The following ACAD10 variants were observed in gnomAD, a reference collection of about 807,000 sequenced individuals.
The protein encoded by ACAD10 is acyl-CoA dehydrogenase family member 10.
ACAD10 carries 112 observed loss-of-function variants against 116.8 expected under a neutral mutation model. That is an observed-to-expected ratio of 0.96 (90% confidence interval 0.82 to 1.12). The LOEUF is 1.12. ACAD10 is among the 50% of genes most tolerant of loss of function. ACAD10 has a pLI of 0.00. For missense variants in ACAD10, 1,259 were observed against 1,350.2 expected (o/e 0.93, Z 1.06); for synonymous variants, 486 against 510.6 (o/e 0.95, Z 0.65).
chr12:111,696,096 C>T (rs1888184128), intron 2 of ACAD10, among the ~76,000 whole-genome samples: 1 of 151,202 alleles, frequency 6.6e-6, no homozygotes, highest in South Asian at 2.1e-4. Context: ...GGATCGCGCT[C>T]TGTTTCTTAG....
intron 12 of ACAD10, 98 bp from the exon 13 acceptor site, chr12:111,744,545 A>G (rs1889833680): frequency 1.4e-6 from 2 of 1,443,322 alleles, no homozygotes; most frequent in Non-Finnish European, 1.9e-6. Context: ...GTGCTCAGCA[A>G]ATGGCAATAG....
In ACAD10 at chr12:111,744,781, A is replaced by T. The variant is rs138790472; in HGVS notation, c.1853A>T (p.Tyr618Phe). The change falls in exon 13 of 21, where the codon TAC becomes TTC. Residue 618 changes from tyrosine to phenylalanine, a missense_variant. Tyr to Phe is a conservative substitution (Grantham distance 22, BLOSUM62 3). Transcript: ENST00000313698. ...TTCACAAATCCGTTAACAAGGTCCT[A>T]CCACACGTGGGCCAGGCCCCAGTCC... ...MPFTNPLTRS[Y>F]HTWARPQSQW... 1.4e-5 allele frequency: 22 copies of T among 1,614,084 alleles called. No homozygotes were observed. Among genetic ancestry groups the T allele is most frequent in the Non-Finnish European group, 1.9e-5 (22 of 1,180,038 alleles).
At chr12:111,742,835 C>T (rs188609115) in intron 12 of ACAD10, among the ~76,000 whole-genome samples, 195 of 152,172 alleles carry the variant, frequency 1.3e-3, no homozygotes, top group African/African-American at 4.2e-3. Context: ...TCAGCCTCCC[C>T]GGTAGCTAAG....
chr12:111,703,030 A>G (rs1888394500), intron 3 of ACAD10, among the ~76,000 whole-genome samples: 1 of 150,722 alleles, frequency 6.6e-6, no homozygotes, highest in African/African-American at 2.4e-5. Context: ...ACTTCAGTGA[A>G]CCATGACCGT....
chr12:111,691,288 G>A (rs1330026812), intron 1 of ACAD10: 4 of 152,572 alleles, frequency 2.6e-5, no homozygotes, highest in Non-Finnish European at 4.4e-5. Context: ...ATCTGTAAGT[G>A]GAAATGATGG....
chr12:111,755,404 C>T (rs1175139470), intron 19 of ACAD10, among the ~76,000 whole-genome samples: 2 of 152,054 alleles, frequency 1.3e-5, no homozygotes, highest in Non-Finnish European at 2.9e-5. Context: ...CCGCGCCTGG[C>T]CTGTTGTTTG....
chr12:111,733,747 TG>T, intron 10 of ACAD10, 175 bp from the exon 11 acceptor site: 1 of 663,974 alleles, frequency 1.5e-6, no homozygotes, highest in Non-Finnish European at 2.5e-6. Context: ...TGAGTCCAGC[TG>T]GAAGCCAGAG....
In ACAD10 at chr12:111,756,712, G is replaced by A. The variant is rs1045486938; in HGVS notation, c.*239G>A. On this transcript the variant is annotated 3_prime_UTR_variant, in exon 21 of 21. Transcript: ENST00000313698. ...TTTGCTGAGGGCCAAGGGGGTTCTGGGACAGAGTCTGGAAAGCTGGTCTTC... is the reference window on the plus strand; with the variant it reads ...TTTGCTGAGGGCCAAGGGGGTTCTGAGACAGAGTCTGGAAAGCTGGTCTTC... 1 of 710,110 alleles carries A rather than the reference G, an allele frequency of 1.4e-6. No homozygotes were observed. Among genetic ancestry groups the A allele is most frequent in the South Asian group, 1.5e-5 (1 of 67,374 alleles). 44.0% of individuals were successfully genotyped at this position (710,110 alleles called of 1,614,324 possible). A position where few individuals can be genotyped will look rare whatever the true frequency, so the allele number is the denominator to read the frequency against.
intron 14 of ACAD10, 83 bp from the exon 15 acceptor site, chr12:111,746,966 C>T: frequency 6.7e-7 from 1 of 1,503,580 alleles, no homozygotes; most frequent in Non-Finnish European, 8.9e-7. Context: ...TGCCACGATA[C>T]TCCAGCCTGG....
At chr12:111,694,231 A>G (rs534613254) in intron 2 of ACAD10, among the ~76,000 whole-genome samples, 1 of 152,280 alleles carries the variant, frequency 6.6e-6, no homozygotes, top group Admixed American at 6.5e-5. Flanking sequence ...CAGTTGGGCC[A>G]TTGGTGCTAC....
intron 8 of ACAD10, among the ~76,000 whole-genome samples, chr12:111,723,461 CG>C (rs1889100586): frequency 7.9e-6 from 1 of 126,272 alleles, no homozygotes; most frequent in Non-Finnish European, 1.7e-5. Flanking sequence ...GCTGGCCGGG[CG>C]GGGGGCTGAC....
intron 13 of ACAD10, 161 bp downstream of exon 13, chr12:111,745,204 T>C: frequency 1.3e-6 from 1 of 781,938 alleles, no homozygotes. Flanking sequence ...TCTTCATGAC[T>C]CAGTTTCCAT....
chr12:111,745,351 A>C (rs1889862540), intron 13 of ACAD10: 1 of 446,080 alleles, frequency 2.2e-6, no homozygotes, highest in African/African-American at 2.0e-5. Flanking sequence ...TGTAAATTTG[A>C]AACAGTGCTG....
chr12:111,742,834 C>T (rs569139348), intron 12 of ACAD10, among the ~76,000 whole-genome samples: 6 of 152,228 alleles, frequency 3.9e-5, no homozygotes, highest in Admixed American at 1.3e-4. Context: ...CTCAGCCTCC[C>T]CGGTAGCTAA....
At chr12:111,705,980 G>A (rs1399155918) in intron 4 of ACAD10, 48 bp downstream of exon 4, 3 of 1,583,330 alleles carry the variant, frequency 1.9e-6, no homozygotes, top group South Asian at 2.3e-5. Flanking sequence ...CTGTGCCCTC[G>A]CTTCAGGGTG....
At chr12:111,698,208 G>C (rs1017131095) in intron 2 of ACAD10, among the ~76,000 whole-genome samples, 1 of 151,390 alleles carries the variant, frequency 6.6e-6, no homozygotes, top group Non-Finnish European at 1.5e-5. Context: ...ATGTTGGCCA[G>C]GCTGGTCTTG....
rs760037537 is a variant in ACAD10 at position 111,727,928 on chromosome 12, C to T, written c.1062-34C>T. ...ACTAACAGCCTGCCACATTATGACT[C>T]TGATCCCTGAAACCCCTTCTGTGTT... On this transcript the variant is annotated intron_variant, in intron 8 of 20. Coordinates refer to ENST00000313698, the MANE Select transcript of ACAD10 (RefSeq NM_025247.6). 1.9e-6 allele frequency: 3 copies of T among 1,578,432 alleles called. No individual in the cohort carries two copies. In the African/African-American group the frequency reaches 4.0e-5, roughly 21 times the overall value.
chr12:111,698,814 T>G (rs1437623902), intron 2 of ACAD10, among the ~76,000 whole-genome samples: 1 of 152,122 alleles, frequency 6.6e-6, no homozygotes, highest in Non-Finnish European at 1.5e-5. Flanking sequence ...TTGCAAATAT[T>G]TTCTCCCTTT....
At chr12:111,754,430 C>G (rs146083514) in intron 19 of ACAD10, among the ~76,000 whole-genome samples, 1 of 152,084 alleles carries the variant, frequency 6.6e-6, no homozygotes, top group Non-Finnish European at 1.5e-5. Context: ...GGACTCCAGG[C>G]GCAAACCTCC....
Sources: gnomAD v4.1 joint callset for allele counts (sites outside exome capture counted in the v4.1 genomes callset) on GRCh38, gnomAD v4.1.1 for gene constraint, MANE v1.5 for transcripts, NCBI Gene and HGNC (gene_info 2026-07-23, HGNC 2026-07-21) for gene names.